Variants in TMPRSS3 observed in about 807,000 individuals in gnomAD.
TMPRSS3 encodes the protein transmembrane protease serine 3.
In TMPRSS3, 55 loss-of-function variants were observed where a neutral mutation model predicts 59.6. The observed-to-expected ratio is 0.92, with a 90% CI of 0.74 to 1.16. The LOEUF is 1.16. Ranked by LOEUF, TMPRSS3 falls within the 50% of genes most tolerant of loss-of-function variation. The pLI, the probability that TMPRSS3 is intolerant of heterozygous loss-of-function variation, is 0.00. For synonymous variants in TMPRSS3, 257 were observed against 237.7 expected, an observed-to-expected ratio of 1.08 and a Z score of -0.75; for missense variants, 596 against 579.4, an observed-to-expected ratio of 1.03 and a Z score of -0.29.
chr21:42,380,061 G>T, intron 10 of TMPRSS3, 56 bp downstream of exon 10: 3 of 1,455,968 alleles, frequency 2.1e-6, no homozygotes, highest in Non-Finnish European at 2.9e-6. Context: ...AGCCCCCTCC[G>T]CAGCCCTCTG....
rs2052666271 is a variant in TMPRSS3, at chr21:42,388,168, T to C, written c.446+235A>G. Among the ~76,000 whole-genome samples, 1 of 152,198 alleles carries C rather than the reference T, an allele frequency of 6.6e-6. No individual in the cohort carries two copies. Among genetic ancestry groups the C allele is most frequent in the Non-Finnish European group, 1.5e-5 (1 of 68,032 alleles). ...CGTATCTCCGATCCTGGCCTGGCCC[T>C]GGGAACCCCCAAACATGCCACTTCC... On this transcript the variant is annotated intron_variant, in intron 5 of 12. Coordinates refer to ENST00000644384, the MANE Select transcript of TMPRSS3 (RefSeq NM_001256317.3). This position sits in a 1 kb window ranked among gnomAD's most constrained non-coding sequence, Gnocchi z 5.1.
chr21:42,393,103 G>T (rs969410101), intron 2 of TMPRSS3, among the ~76,000 whole-genome samples: 46 of 152,208 alleles, frequency 3.0e-4, no homozygotes, highest in African/African-American at 1.1e-3. Flanking sequence ...AATTAGCTGG[G>T]TGTGGGGGCA....
At chr21:42,380,012 TG>T in intron 10 of TMPRSS3, 104 bp downstream of exon 10, 1 of 949,206 alleles carries the variant, frequency 1.1e-6, no homozygotes, top group Non-Finnish European at 1.7e-6. Context: ...CCGGGGTATC[TG>T]GGCAGCCCAT....
In TMPRSS3 at chr21:42,380,175, C is replaced by A. The variant is rs1216716955; in HGVS notation, c.990G>T (p.Glu330Asp). 3 of 1,614,174 alleles carry A rather than the reference C, an allele frequency of 1.9e-6. No homozygotes were observed. The highest frequency in any genetic ancestry group is 2.2e-5 in the South Asian group (2 of 91,082). ...IQPVCLPNSEENFPDGKVCWT... is the reference protein window; with the variant it reads ...IQPVCLPNSEDNFPDGKVCWT... ...AGCACACTTTTCCATCGGGGAAGTT[C>A]TCTTCAGAGTTGGGCAGGCACACAG... is the stretch of plus-strand genomic sequence containing the variant. The change falls in exon 10 of 13, where the codon GAG becomes GAT. Residue 330 changes from glutamate to aspartate, a missense_variant. Transcript: ENST00000644384.
rs759723029 is a variant in TMPRSS3, at chr21:42,388,522, C to A, written c.327G>T (p.Arg109=). The A allele has an allele frequency of 7.4e-6, 12 of 1,614,050 alleles. No homozygotes were observed. The highest frequency in any genetic ancestry group is 5.5e-5 in the South Asian group (5 of 91,088). Residue 109 remains arginine (R), a synonymous_variant, in exon 5 of 13, where the codon CGG becomes CGT. Transcript: ENST00000644384. The surrounding 1 kb of genome is among the most constrained non-coding windows in gnomAD (Gnocchi z 5.1). ...GGAGCACGGCATTCTGACCACCCAC[C>A]CGGACTGGCCGATGTGCAGAAAGAA... ...KDGEDEYRCV[R]VGGQNAVLQV...
chr21:42,381,420 TTCTGTTTCTCAACCA>T (rs2052526092), intron 9 of TMPRSS3, among the ~76,000 whole-genome samples: 1 of 151,912 alleles, frequency 6.6e-6, no homozygotes, highest in African/African-American at 2.4e-5. Flanking sequence ...GCCTGGGAGG[TTCTGTTTCTCAACCA>T]AGATGGCCCC....
rs376061087 is a variant in TMPRSS3 at position 42,388,554 on chromosome 21, A to G, written c.323-28T>C. 6 of 1,614,054 alleles carry G rather than the reference A, an allele frequency of 3.7e-6. No individual in the cohort carries two copies. The African/African-American group carries it at 8.0e-5, about 22-fold the overall frequency. On this transcript the variant is annotated intron_variant, in intron 4 of 12. Transcript: ENST00000644384. This position sits in a 1 kb window ranked among gnomAD's most constrained non-coding sequence, Gnocchi z 5.1. ...GGCCGATGTGCAGAAAGAAAGGCTT[A>G]TTAGTGGCCAGTGGAACCCTGAGAC...
intron 9 of TMPRSS3, among the ~76,000 whole-genome samples, chr21:42,381,058 C>T (rs916732534): frequency 3.9e-5 from 6 of 152,192 alleles, no homozygotes; most frequent in Admixed American, 2.6e-4. Flanking sequence ...AATGACTCTG[C>T]CAGGTAGAGC....
In TMPRSS3 at chr21:42,372,189, G is replaced by A. The variant is rs1042336424; in HGVS notation, c.*573C>T. On this transcript the variant is annotated 3_prime_UTR_variant, in exon 13 of 13. Transcript: ENST00000644384. ...TCGTCAGGAATTTTGCAAGACCCCT[G>A]GAGAGAAAACCAGATGGACCAGTGG... The A allele has an allele frequency of 6.2e-5, 28 of 449,156 alleles. No homozygotes were observed. The East Asian group carries it at 8.3e-4, about 13-fold the overall frequency. The allele number at this position is 449,156 out of a possible 1,614,324, so 27.8% of individuals were successfully genotyped here.
intron 3 of TMPRSS3, among the ~76,000 whole-genome samples, chr21:42,389,521 C>T (rs367868801): frequency 2.0e-4 from 31 of 152,354 alleles, no homozygotes; most frequent in African/African-American, 7.5e-4. Flanking sequence ...AGAGACCCTC[C>T]ATCCAAATGA....
In TMPRSS3 at chr21:42,375,811, C is replaced by G; in HGVS notation, c.1249G>C (p.Ala417Pro). The G allele has an allele frequency of 6.2e-7, 1 of 1,613,884 alleles. No individual in the cohort carries two copies. The highest frequency in any genetic ancestry group is 8.5e-7 in the Non-Finnish European group (1 of 1,180,014). The change falls in exon 12 of 13, where the codon GCG (alanine) becomes CCG (proline). Residue 417 changes from alanine (A) to proline (P), a missense_variant. Transcript: ENST00000644384. ...GCGCAGCCGATGCCAAAGCTGGTCG[C>G]TCCCACTAACTTCCACAGCCTCCTC... Reference protein sequence around the residue: ...QERRLWKLVGATSFGIGCAEV... With the variant: ...QERRLWKLVGPTSFGIGCAEV...
intron 6 of TMPRSS3, 56 bp downstream of exon 6, chr21:42,385,352 CA>C: frequency 6.2e-7 from 1 of 1,611,094 alleles, no homozygotes; most frequent in South Asian, 1.1e-5. Context: ...CATAGCATCA[CA>C]AATCCAGCAG....
chr21:42,372,828 C>T (rs778672359), intron 12 of TMPRSS3, 49 bp from the exon 13 acceptor site: 9 of 1,611,000 alleles, frequency 5.6e-6, no homozygotes, highest in South Asian at 1.1e-5. Context: ...TCCAGCCATC[C>T]GTCCAACATG....
chr21:42,375,711 C>T lies in TMPRSS3; in HGVS notation c.1344+5G>A. The T allele has an allele frequency of 6.2e-7, 1 of 1,613,742 alleles. No homozygotes were observed. Among genetic ancestry groups the T allele is most frequent in the African/African-American group, 1.3e-5 (1 of 75,032 alleles). ...AACGTGAGCTGGGGAGGGCGCCGCA[C>T]CCACCTCCATCTGCTCGTGGATCCA... On this transcript the variant is annotated splice_donor_5th_base_variant and intron_variant, in intron 12 of 12. Coordinates refer to ENST00000644384, the MANE Select transcript of TMPRSS3 (RefSeq NM_001256317.3).
At chr21:42,383,379 G>A (rs893797307) in intron 7 of TMPRSS3, 181 bp from the exon 8 acceptor site, 1 of 671,588 alleles carries the variant, frequency 1.5e-6, no homozygotes, top group African/African-American at 1.8e-5. Flanking sequence ...CAGGCTCTTG[G>A]GGAGACCTGA....
intron 5 of TMPRSS3, among the ~76,000 whole-genome samples, chr21:42,386,494 G>C (rs12626303): frequency 0.41 from 61,685 of 152,156 alleles, 14,043 homozygotes; most frequent in African/African-American, 0.62. Context: ...GGCGGGGCTT[G>C]TGCCAGGCAA....
At chr21:42,381,737 T>C (rs1380465402) in intron 9 of TMPRSS3, 1 of 463,070 alleles carries the variant, frequency 2.2e-6, no homozygotes, top group Non-Finnish European at 4.0e-6. Context: ...GAGTCATCAG[T>C]GCATTCATTC....
At chr21:42,391,557 C>T (rs2052735241) in intron 2 of TMPRSS3, among the ~76,000 whole-genome samples, 1 of 152,220 alleles carries the variant, frequency 6.6e-6, no homozygotes, top group Admixed American at 6.5e-5. Flanking sequence ...CACAGGTCTG[C>T]TTGCAGACCA....
At chr21:42,383,321 C>T in intron 7 of TMPRSS3, 123 bp from the exon 8 acceptor site, 1 of 1,073,636 alleles carries the variant, frequency 9.3e-7, no homozygotes, top group Non-Finnish European at 1.4e-6. Context: ...GAGCTCACAG[C>T]AGCTCTAAGA....
Sources: gnomAD v4.1 joint callset for allele counts (sites outside exome capture counted in the v4.1 genomes callset) on GRCh38, gnomAD v4.1.1 for gene constraint, Gnocchi (gnomAD v3.1) non-coding constraint, MANE v1.5 for transcripts, NCBI Gene and HGNC (gene_info 2026-07-23, HGNC 2026-07-21) for gene names.